CDH12: variants seen among roughly 807,000 people sequenced by gnomAD.
The protein encoded by CDH12 is cadherin-12.
A neutral mutation model predicts 74.1 loss-of-function variants in CDH12; 41 were observed. The ratio of observed to expected loss-of-function variants is 0.55; its 90% CI spans 0.43 to 0.72. The LOEUF (loss-of-function observed/expected upper bound fraction) is 0.72, where lower values mean the gene tolerates loss of function less well. Ranked by LOEUF, CDH12 falls within the 30% of genes least tolerant of loss-of-function variation. The pLI is 0.00. For missense variants in CDH12, 945 were observed against 977.2 expected, an observed-to-expected ratio of 0.97 and a Z score of 0.44; for synonymous variants, 399 against 355.0, an observed-to-expected ratio of 1.12 and a Z score of -1.39.
chr5:21,899,177 A>G (rs1469923857), intron 6 of CDH12, among the ~76,000 whole-genome samples: 1 of 152,206 alleles, frequency 6.6e-6, no homozygotes, highest in East Asian at 1.9e-4. Context: ...CTTTCTAGCT[A>G]GAATTAATTT....
At chr5:21,914,487 G>C (rs932066021) in intron 6 of CDH12, among the ~76,000 whole-genome samples, 2 of 152,098 alleles carry the variant, frequency 1.3e-5, no homozygotes. Flanking sequence ...TACATACAGT[G>C]TATATATACA....
chr5:21,957,685 T>A (rs1402803459), intron 6 of CDH12, among the ~76,000 whole-genome samples: 1 of 152,222 alleles, frequency 6.6e-6, no homozygotes, highest in Non-Finnish European at 1.5e-5. Flanking sequence ...GTTTGTTTTT[T>A]TTCACATGCT....
At chr5:21,820,603 A>G (rs944727644) in intron 8 of CDH12, among the ~76,000 whole-genome samples, 1 of 152,044 alleles carries the variant, frequency 6.6e-6, no homozygotes, top group Admixed American at 6.6e-5. Context: ...TTAATAAAAT[A>G]TTACAGCTGG....
intron 8 of CDH12, among the ~76,000 whole-genome samples, chr5:21,824,437 A>G (rs1748547709): frequency 6.6e-6 from 1 of 151,630 alleles, no homozygotes; most frequent in Non-Finnish European, 1.5e-5. Flanking sequence ...CAGGCGACCC[A>G]CTCCACAGGC....
At chr5:22,019,687 A>G (rs1737840880) in intron 5 of CDH12, among the ~76,000 whole-genome samples, 1 of 152,194 alleles carries the variant, frequency 6.6e-6, no homozygotes, top group Non-Finnish European at 1.5e-5. Flanking sequence ...AACTGTGAGA[A>G]ATAAATTTCT....
chr5:22,282,285 AC>A (rs1275032121), intron 3 of CDH12, among the ~76,000 whole-genome samples: 1 of 152,192 alleles, frequency 6.6e-6, no homozygotes, highest in East Asian at 1.9e-4. Context: ...AAAAATCATA[AC>A]AACCCTAGCA....
chr5:22,206,402 TA>T (rs1257630237), intron 4 of CDH12, among the ~76,000 whole-genome samples: 1 of 152,166 alleles, frequency 6.6e-6, no homozygotes, highest in Non-Finnish European at 1.5e-5. Context: ...AATTTTTTTT[TA>T]AATCCCAATA....
intron 5 of CDH12, among the ~76,000 whole-genome samples, chr5:22,004,789 C>T (rs1228031107): frequency 6.6e-6 from 1 of 152,032 alleles, no homozygotes; most frequent in Non-Finnish European, 1.5e-5. Context: ...ATTTTTCAAC[C>T]CTCATCTCCC....
At chr5:22,416,151 T>C (rs1354240659) in intron 2 of CDH12, among the ~76,000 whole-genome samples, 1 of 125,042 alleles carries the variant, frequency 8.0e-6, no homozygotes, top group African/African-American at 3.0e-5. Flanking sequence ...CTCGGCTCAC[T>C]ACAAGCTCCG....
chr5:22,039,538 C>T (rs555602975), intron 5 of CDH12, among the ~76,000 whole-genome samples: 2 of 152,176 alleles, frequency 1.3e-5, no homozygotes, highest in East Asian at 3.9e-4. Flanking sequence ...TACTTGTAGG[C>T]CCTGTCAATC....
Position 21,945,984 on chromosome 5 carries a change from G to GAA in CDH12, c.526+29105_526+29106dup, listed in dbSNP as rs59874050. On this transcript the variant is annotated intron_variant, in intron 6 of 14. Transcript: ENST00000382254. ...CCAAATACATTCAATTTCTGGAAAT[G>GAA]AAAAAAAAAAATTAAAAATCTTGAA... Among the ~76,000 whole-genome samples, 56 of 146,686 alleles carry GAA rather than the reference G, an allele frequency of 3.8e-4. 1 individual carries two copies. The South Asian group carries it at 4.7e-3, about 12-fold the overall frequency.
At chr5:22,161,126 A>AT (rs1748319967) in intron 4 of CDH12, among the ~76,000 whole-genome samples, 1 of 152,178 alleles carries the variant, frequency 6.6e-6, no homozygotes, top group Non-Finnish European at 1.5e-5. Context: ...TTGAGCTGTC[A>AT]TAGAAGCTTC....
At chr5:22,517,010 A>C (rs1019623453) in intron 1 of CDH12, among the ~76,000 whole-genome samples, 1 of 152,122 alleles carries the variant, frequency 6.6e-6, no homozygotes, top group Admixed American at 6.6e-5. Context: ...TGTTGTTTTC[A>C]TTATTGAATT....
At chr5:22,482,843 ATGATAAAT>A (rs1327992739) in intron 2 of CDH12, among the ~76,000 whole-genome samples, 2 of 152,194 alleles carry the variant, frequency 1.3e-5, no homozygotes, top group Non-Finnish European at 2.9e-5. Context: ...ACCTTGGAAG[ATGATAAAT>A]TGATAAATGT....
At chr5:22,180,353 C>T (rs1188520773) in intron 4 of CDH12, among the ~76,000 whole-genome samples, 2 of 152,100 alleles carry the variant, frequency 1.3e-5, no homozygotes. Context: ...TTCCCACAAC[C>T]TACAACAAAC....
At chr5:22,827,903 T>C (rs1348880302) in intron 1 of CDH12, among the ~76,000 whole-genome samples, 2 of 152,180 alleles carry the variant, frequency 1.3e-5, no homozygotes, top group East Asian at 3.9e-4. Flanking sequence ...TTTGAGTTCT[T>C]ATTCATTGGG....
chr5:22,111,665 C>T (rs1363501076), intron 4 of CDH12, among the ~76,000 whole-genome samples: 1 of 152,140 alleles, frequency 6.6e-6, no homozygotes, highest in African/African-American at 2.4e-5. Context: ...GGTAATTGTG[C>T]TACCCCAAAA....
intron 1 of CDH12, among the ~76,000 whole-genome samples, chr5:22,525,734 G>C (rs748770563): frequency 3.3e-5 from 5 of 152,074 alleles, no homozygotes; most frequent in Non-Finnish European, 5.9e-5. Context: ...GGCTCTACTT[G>C]TGGGTACTGG....
At chr5:22,717,712 G>T (rs1477020107) in intron 1 of CDH12, among the ~76,000 whole-genome samples, 1 of 152,172 alleles carries the variant, frequency 6.6e-6, no homozygotes, top group Non-Finnish European at 1.5e-5. Context: ...AGGTGTGTGT[G>T]TTTGAGGATG....
Sources: allele counts gnomAD v4.1 joint callset (sites outside exome capture counted in the v4.1 genomes callset), GRCh38; gene constraint gnomAD v4.1.1; transcripts MANE v1.5; gene names NCBI Gene and HGNC (gene_info 2026-07-23, HGNC 2026-07-21).